Variants in L3MBTL4 observed in about 807,000 individuals in gnomAD.
L3MBTL4 encodes the protein L3MBTL histone methyl-lysine binding protein 4, also known as lethal(3)malignant brain tumor-like protein 4.
In L3MBTL4, 70 loss-of-function variants were observed where a neutral mutation model predicts 84.5. That is an observed-to-expected ratio of 0.83 (90% CI 0.68 to 1.01). The LOEUF is 1.01. Among genes scored for constraint, L3MBTL4 ranks in the 50% least tolerant of loss-of-function variants. The probability of loss-of-function intolerance (pLI) is 0.00; values close to 1 mark genes in which losing one functional copy is unlikely to be tolerated. For missense variants in L3MBTL4, 715 were observed against 754.8 expected, an observed-to-expected ratio of 0.95 and a Z score of 0.62; for synonymous variants, 274 against 259.8, an observed-to-expected ratio of 1.05 and a Z score of -0.52.
intron 15 of L3MBTL4, among the ~76,000 whole-genome samples, chr18:6,088,126 C>T (rs2058319675): frequency 6.6e-6 from 1 of 152,186 alleles, no homozygotes; most frequent in South Asian, 2.1e-4. Flanking sequence ...TACATGCAGA[C>T]ACACAAATAA....
intron 16 of L3MBTL4, among the ~76,000 whole-genome samples, chr18:6,027,314 C>T (rs1464862735): frequency 6.6e-6 from 1 of 152,122 alleles, no homozygotes; most frequent in Admixed American, 6.6e-5. Flanking sequence ...TGTTAGTTTG[C>T]TAAGAATAAT....
At chr18:6,074,249 C>G (rs895168385) in intron 16 of L3MBTL4, among the ~76,000 whole-genome samples, 7 of 152,148 alleles carry the variant, frequency 4.6e-5, no homozygotes, top group Admixed American at 6.5e-5. Flanking sequence ...GCTATTTTTC[C>G]TTTGAATATG....
chr18:6,138,091 G>T, intron 14 of L3MBTL4, 103 bp downstream of exon 14: 1 of 664,150 alleles, frequency 1.5e-6, no homozygotes, highest in South Asian at 2.4e-5. Context: ...GTGTCACAGG[G>T]GCAGCTGGCT....
chr18:6,032,510 T>G (rs376492432), intron 16 of L3MBTL4, among the ~76,000 whole-genome samples: 1 of 151,950 alleles, frequency 6.6e-6, no homozygotes, highest in East Asian at 1.9e-4. Context: ...TCCTTTGTAC[T>G]GTACTGTTGA....
Position 6,237,445 on chromosome 18 carries a change from C to CTTTTTT in L3MBTL4, c.784+513_784+518dup, listed in dbSNP as rs1173599586. Reference sequence around the variant, plus strand: ...TTGTTTCAATGGCTGCCTAGTACATCTTTTTTTTTTTTTTTTTTTTTTTTT... The same window carrying CTTTTTT: ...TTGTTTCAATGGCTGCCTAGTACATCTTTTTTTTTTTTTTTTTTTTTTTTTTTTTTT... On this transcript the variant is annotated intron_variant, in intron 10 of 18. Coordinates refer to ENST00000317931, the MANE Select transcript of L3MBTL4 (RefSeq NM_001330559.2). Among the ~76,000 whole-genome samples, 230 of 88,910 alleles carry CTTTTTT rather than the reference C, an allele frequency of 2.6e-3. 27 individuals carry two copies. Among genetic ancestry groups the CTTTTTT allele is most frequent in the African/African-American group, 0.01 (220 of 21,260 alleles). 58.3% of individuals were successfully genotyped at this position (88,910 alleles called of 152,430 possible).
At chr18:6,377,529 G>A (rs1269019121) in intron 1 of L3MBTL4, among the ~76,000 whole-genome samples, 1 of 152,060 alleles carries the variant, frequency 6.6e-6, no homozygotes, top group Non-Finnish European at 1.5e-5. Context: ...GTGTCCATGT[G>A]TTCTCATTGT....
chr18:6,238,280 T>C (rs1457973883), intron 9 of L3MBTL4, among the ~76,000 whole-genome samples: 1 of 152,236 alleles, frequency 6.6e-6, no homozygotes, highest in Non-Finnish European at 1.5e-5. Flanking sequence ...ACGCCTGTAA[T>C]CCCAGCATTT....
chr18:6,295,288 GCAA>G (rs369420795), intron 4 of L3MBTL4, among the ~76,000 whole-genome samples: 2 of 125,176 alleles, frequency 1.6e-5, no homozygotes, highest in Non-Finnish European at 1.6e-5. Context: ...CAAAACAACA[GCAA>G]CAACAACAAC....
At chr18:6,026,699 T>C (rs1297731368) in intron 16 of L3MBTL4, among the ~76,000 whole-genome samples, 1 of 152,216 alleles carries the variant, frequency 6.6e-6, no homozygotes, top group East Asian at 1.9e-4. Flanking sequence ...TAGTGAGGAC[T>C]TATAATAGTG....
At chr18:6,281,215 T>C (rs1220513557) in intron 4 of L3MBTL4, among the ~76,000 whole-genome samples, 3 of 152,326 alleles carry the variant, frequency 2.0e-5, no homozygotes, top group Non-Finnish European at 1.5e-5. Flanking sequence ...TTTAACATAA[T>C]AGTTGTCACA....
intron 10 of L3MBTL4, among the ~76,000 whole-genome samples, chr18:6,217,203 C>A (rs1013229867): frequency 6.6e-6 from 1 of 152,036 alleles, no homozygotes; most frequent in African/African-American, 2.4e-5. Context: ...AACTAGCATA[C>A]CAGCATAACC....
chr18:6,392,758 A>C (rs1002621272), intron 1 of L3MBTL4, among the ~76,000 whole-genome samples: 2 of 152,226 alleles, frequency 1.3e-5, no homozygotes, highest in Non-Finnish European at 2.9e-5. Flanking sequence ...CTTCAGAAGC[A>C]AATGCAACAA....
At chr18:5,962,266 T>C (rs6506354) in intron 17 of L3MBTL4, among the ~76,000 whole-genome samples, 55,939 of 151,950 alleles carry the variant, frequency 0.37, 10,618 homozygotes, top group East Asian at 0.5. Context: ...GAAGGGGGTC[T>C]GTGAGAGGTT....
chr18:6,158,681 T>C, intron 13 of L3MBTL4, among the ~76,000 whole-genome samples: 1 of 152,198 alleles, frequency 6.6e-6, no homozygotes, highest in East Asian at 1.9e-4. Context: ...AAGGGACAGC[T>C]GTACATCTGT....
intron 13 of L3MBTL4, among the ~76,000 whole-genome samples, chr18:6,160,708 G>A (rs918695050): frequency 6.7e-6 from 1 of 148,182 alleles, no homozygotes; most frequent in Non-Finnish European, 1.5e-5. Context: ...CCCAGCTTGG[G>A]TGACGAGAAT....
At chr18:6,041,976 G>C (rs4519417) in intron 16 of L3MBTL4, among the ~76,000 whole-genome samples, 4,139 of 152,058 alleles carry the variant, frequency 0.027, 200 homozygotes, top group African/African-American at 0.095. Flanking sequence ...TCCTGCCTTG[G>C]CCTCCCAAAG....
At position 6,215,841 on chromosome 18, in the gene L3MBTL4, AAT is replaced by A. The variant is rs113267878; in HGVS notation, c.785-8_785-7del. ...ATTTTCTGGATTGGGATAACCTGAA[AAT>A]ATATATATATAAATAGCAAAAGATT... On this transcript the variant is annotated splice_polypyrimidine_tract_variant and splice_region_variant and intron_variant, in intron 10 of 18. Coordinates refer to ENST00000317931, the MANE Select transcript of L3MBTL4 (RefSeq NM_001330559.2). 7,361 of 1,460,818 alleles carry A rather than the reference AAT, an allele frequency of 5.0e-3. 285 individuals are homozygous for A. The African/African-American group carries it at 0.084, about 17-fold the overall frequency. The allele number at this position is 1,460,818 out of a possible 1,614,324, so 90.5% of individuals were successfully genotyped here.
intron 15 of L3MBTL4, among the ~76,000 whole-genome samples, chr18:6,087,850 T>G (rs2058308699): frequency 6.6e-6 from 1 of 152,180 alleles, no homozygotes; most frequent in Non-Finnish European, 1.5e-5. Context: ...TATAGCAATA[T>G]CAATGTCTAT....
At chr18:6,043,061 CCTGT>C (rs2145730879) in intron 16 of L3MBTL4, among the ~76,000 whole-genome samples, 1 of 152,312 alleles carries the variant, frequency 6.6e-6, no homozygotes, top group South Asian at 2.1e-4. Context: ...CTTAATACTT[CCTGT>C]CTCACACCCC....
Sources: gnomAD v4.1 joint callset for allele counts (sites outside exome capture counted in the v4.1 genomes callset) on GRCh38, gnomAD v4.1.1 for gene constraint, MANE v1.5 for transcripts, NCBI Gene and HGNC (gene_info 2026-07-23, HGNC 2026-07-21) for gene names.